CNTNAP2: variants seen among roughly 807,000 people sequenced by gnomAD.
CNTNAP2 encodes contactin-associated protein-like 2.
In CNTNAP2, 98 loss-of-function variants were observed where a neutral mutation model predicts 155.2. The ratio of observed to expected loss-of-function variants is 0.63; its 90% CI spans 0.54 to 0.75. CNTNAP2 has a LOEUF of 0.75. Among genes scored for constraint, CNTNAP2 ranks in the 30% least tolerant of loss-of-function variants. CNTNAP2 has a pLI of 0.00. For synonymous variants in CNTNAP2, 651 were observed against 631.2 expected (o/e 1.03, Z -0.47); for missense variants, 1,727 against 1,688.1 (o/e 1.02, Z -0.40).
At chr7:148,023,776 A>G (rs575149618) in intron 15 of CNTNAP2, among the ~76,000 whole-genome samples, 6 of 152,308 alleles carry the variant, frequency 3.9e-5, no homozygotes, top group African/African-American at 1.4e-4. Flanking sequence ...ATCAATTTTT[A>G]TACCAACTCC....
At chr7:147,795,981 T>C (rs571129868) in intron 13 of CNTNAP2, among the ~76,000 whole-genome samples, 8 of 152,262 alleles carry the variant, frequency 5.3e-5, no homozygotes, top group African/African-American at 1.7e-4. Context: ...TTTTGAAGCA[T>C]AGGATTTAAC....
intron 3 of CNTNAP2, among the ~76,000 whole-genome samples, chr7:146,843,202 C>T (rs1186068482): frequency 6.5e-5 from 9 of 137,626 alleles, no homozygotes; most frequent in South Asian, 2.4e-4. Flanking sequence ...TTAGTAGAGA[C>T]GGGGTTTCAC....
At chr7:146,965,193 C>T (rs1171328659) in intron 3 of CNTNAP2, among the ~76,000 whole-genome samples, 2 of 152,030 alleles carry the variant, frequency 1.3e-5, no homozygotes, top group Non-Finnish European at 2.9e-5. Context: ...ATTGCAGGCA[C>T]TCAAAGCTGT....
intron 1 of CNTNAP2, among the ~76,000 whole-genome samples, chr7:146,132,916 G>A (rs1797738499): frequency 1.3e-5 from 2 of 148,416 alleles, no homozygotes; most frequent in South Asian, 2.2e-4. Context: ...ATAGTCCTTT[G>A]GGTATATACC....
At chr7:147,421,585 C>CTGTGTG (rs55983110) in intron 10 of CNTNAP2, among the ~76,000 whole-genome samples, 21,227 of 143,510 alleles carry the variant, frequency 0.15, 1,663 homozygotes, top group African/African-American at 0.17. Flanking sequence ...TCTATCTAAT[C>CTGTGTG]TGTGTGTGTG....
chr7:147,360,698 T>A (rs1214981955), intron 9 of CNTNAP2, among the ~76,000 whole-genome samples: 2 of 152,158 alleles, frequency 1.3e-5, no homozygotes, highest in African/African-American at 4.8e-5. Context: ...GATGTCTCCA[T>A]GACCCCTATG....
intron 1 of CNTNAP2, among the ~76,000 whole-genome samples, chr7:146,691,219 A>G (rs1800692702): frequency 6.6e-6 from 1 of 152,100 alleles, no homozygotes; most frequent in Non-Finnish European, 1.5e-5. Flanking sequence ...ATATAAAGCC[A>G]CTAATTTGGA....
chr7:147,796,890 G>T (rs851686), intron 13 of CNTNAP2, among the ~76,000 whole-genome samples: 4,321 of 152,196 alleles, frequency 0.028, 194 homozygotes, highest in African/African-American at 0.096. Flanking sequence ...TAAGACCTCC[G>T]TTTTTTTGTC....
Position 147,173,355 on chromosome 7 carries a change from C to T in CNTNAP2, c.1348+40846C>T, listed in dbSNP as rs116088579. ...TTGCCATTTTAAATTTCCTGACTGA[C>T]AATCTCCCAACTTCCCAAAAAGTGT... On this transcript the variant is annotated intron_variant, in intron 8 of 23. Coordinates refer to ENST00000361727, the MANE Select transcript of CNTNAP2 (RefSeq NM_014141.6). Among the ~76,000 whole-genome samples, 1,404 of 152,060 alleles carry T rather than the reference C, an allele frequency of 9.2e-3. 21 individuals carry two copies. Among genetic ancestry groups the T allele is most frequent in the African/African-American group, 0.032 (1,321 of 41,452 alleles).
intron 13 of CNTNAP2, among the ~76,000 whole-genome samples, chr7:147,701,408 G>GT (rs1307963267): frequency 6.6e-6 from 1 of 152,128 alleles, no homozygotes; most frequent in East Asian, 1.9e-4. Flanking sequence ...TCATGTAAGT[G>GT]TAAGAATACA....
At chr7:147,545,752 A>G (rs900585978) in intron 11 of CNTNAP2, among the ~76,000 whole-genome samples, 16 of 152,164 alleles carry the variant, frequency 1.1e-4, no homozygotes, top group Non-Finnish European at 2.1e-4. Context: ...TTTAAAACCT[A>G]AGGTTGCATC....
chr7:146,811,446 A>T (rs556869869), intron 2 of CNTNAP2, among the ~76,000 whole-genome samples: 61 of 152,136 alleles, frequency 4.0e-4, no homozygotes, highest in African/African-American at 1.4e-3. Flanking sequence ...GTGATTTCTT[A>T]TGATACTTTG....
intron 14 of CNTNAP2, among the ~76,000 whole-genome samples, chr7:147,938,329 C>T (rs766130678): frequency 3.8e-4 from 58 of 152,036 alleles, no homozygotes; most frequent in Non-Finnish European, 1.2e-4. Context: ...GTATTTAAAG[C>T]ACACAATACT....
At chr7:146,886,980 T>C (rs1274371151) in intron 3 of CNTNAP2, among the ~76,000 whole-genome samples, 3 of 151,780 alleles carry the variant, frequency 2.0e-5, no homozygotes, top group Non-Finnish European at 2.9e-5. Context: ...AGACCTAATA[T>C]TTCTGCCATG....
chr7:148,130,343 G>A (rs1346289110), intron 16 of CNTNAP2, among the ~76,000 whole-genome samples: 1 of 152,210 alleles, frequency 6.6e-6, no homozygotes, highest in South Asian at 2.1e-4. Context: ...AAGGCAGCTG[G>A]AACATAGATG....
At chr7:147,894,294 T>C (rs1799740858) in intron 13 of CNTNAP2, 2 of 152,074 alleles carry the variant, frequency 1.3e-5, no homozygotes, top group African/African-American at 4.8e-5. Flanking sequence ...AATTTACTTA[T>C]AAAGTGGAGA....
intron 16 of CNTNAP2, among the ~76,000 whole-genome samples, chr7:148,124,992 G>A (rs968572558): frequency 6.6e-6 from 1 of 152,118 alleles, no homozygotes; most frequent in Non-Finnish European, 1.5e-5. Flanking sequence ...TGTGATGGGC[G>A]TTTGGGAAAC....
At chr7:147,068,819 G>A (rs1435236785) in intron 4 of CNTNAP2, among the ~76,000 whole-genome samples, 6 of 152,076 alleles carry the variant, frequency 3.9e-5, no homozygotes, top group African/African-American at 7.2e-5. Flanking sequence ...AGCCAATTTC[G>A]TGAAATACAT....
chr7:146,642,427 C>T (rs538692207), intron 1 of CNTNAP2, among the ~76,000 whole-genome samples: 340 of 150,478 alleles, frequency 2.3e-3, no homozygotes, highest in Admixed American at 3.7e-3. Flanking sequence ...TTTGTTCTTG[C>T]GATAGTTTAC....
Sources: gnomAD v4.1 joint callset for allele counts (sites outside exome capture counted in the v4.1 genomes callset) on GRCh38, gnomAD v4.1.1 for gene constraint, MANE v1.5 for transcripts, NCBI Gene and HGNC (gene_info 2026-07-23, HGNC 2026-07-21) for gene names.